The following CADPS2 variants were observed in gnomAD, a reference collection of about 807,000 sequenced individuals.
CADPS2 encodes the protein calcium-dependent secretion activator 2.
In CADPS2, 93 loss-of-function variants were observed where a neutral mutation model predicts 172.5. The ratio of observed to expected loss-of-function variants is 0.54; its 90% CI spans 0.46 to 0.64. The LOEUF (loss-of-function observed/expected upper bound fraction) is 0.64, where lower values mean the gene tolerates loss of function less well. Ranked by LOEUF, CADPS2 falls within the 30% of genes least tolerant of loss-of-function variation. CADPS2 has a pLI of 0.00. For synonymous variants in CADPS2, 546 were observed against 555.2 expected (o/e 0.98, Z 0.23); for missense variants, 1,420 against 1,565.9 (o/e 0.91, Z 1.57).
intron 2 of CADPS2, among the ~76,000 whole-genome samples, chr7:122,708,317 T>C (rs1454901201): frequency 1.3e-5 from 2 of 151,554 alleles, no homozygotes; most frequent in Non-Finnish European, 2.9e-5. Flanking sequence ...TAATATTCCT[T>C]ATGCAAAATT....
intron 11 of CADPS2, among the ~76,000 whole-genome samples, chr7:122,486,204 C>T (rs1469250690): frequency 3.3e-5 from 5 of 152,198 alleles, no homozygotes; most frequent in African/African-American, 1.2e-4. Flanking sequence ...TTAAGAAATA[C>T]ATTTTATAAG....
chr7:122,328,326 C>G (rs2034302922), intron 28 of CADPS2: 1 of 152,178 alleles, frequency 6.6e-6, no homozygotes, highest in Non-Finnish European at 1.5e-5. Context: ...TCTCCATTCC[C>G]CAATCCCCTC....
chr7:122,675,847 G>A (rs942905936), intron 2 of CADPS2, among the ~76,000 whole-genome samples: 7 of 151,936 alleles, frequency 4.6e-5, no homozygotes, highest in Admixed American at 2.6e-4. Context: ...GGAGGGGAGA[G>A]GATTAGGACA....
chr7:122,761,989 T>C, intron 1 of CADPS2, among the ~76,000 whole-genome samples: 1 of 111,938 alleles, frequency 8.9e-6, no homozygotes, highest in African/African-American at 3.7e-5. Flanking sequence ...AAAGTGAGAC[T>C]CTGCCTCAAA....
chr7:122,638,585 G>T (rs1860855), intron 3 of CADPS2, among the ~76,000 whole-genome samples: 111,862 of 152,088 alleles, frequency 0.74, 41,631 homozygotes, highest in Middle Eastern at 0.91. Context: ...CCAGGGCCTG[G>T]GGGGGTCCCC....
At chr7:122,568,633 C>A (rs143852130) in intron 7 of CADPS2, among the ~76,000 whole-genome samples, 1 of 152,084 alleles carries the variant, frequency 6.6e-6, no homozygotes, top group East Asian at 1.9e-4. Context: ...TGTGCTAGAA[C>A]AACATGTTCA....
chr7:122,668,942 T>A (rs78291189), intron 2 of CADPS2, among the ~76,000 whole-genome samples: 26,655 of 152,150 alleles, frequency 0.18, 3,138 homozygotes, highest in Non-Finnish European at 0.26. Context: ...CATTCCTCCA[T>A]CAAAACAGAA....
At chr7:122,664,426 A>G (rs578114995) in intron 2 of CADPS2, among the ~76,000 whole-genome samples, 2 of 151,326 alleles carry the variant, frequency 1.3e-5, no homozygotes, top group Admixed American at 1.3e-4. Flanking sequence ...ATAAAATAAA[A>G]TAAAAACAAC....
chr7:122,416,149 G>A lies in CADPS2; in HGVS notation c.2492C>T (p.Ala831Val). ...CTCTTCCAGCTTTCTAGCAGGAGAT[G>A]CCTGGTTCATGGTCTCTATATGAAA... ...YAKIEETMNQ[A>V]SPARKLEEIL... Residue 831 changes from alanine (A) to valine (V), a missense_variant, in exon 18 of 30, where the codon GCA (alanine) becomes GTA (valine). By Grantham distance (64) the Ala-to-Val change is moderately conservative. Coordinates refer to ENST00000449022, the MANE Select transcript of CADPS2 (RefSeq NM_017954.11). 1 of 1,546,148 alleles carries A rather than the reference G, an allele frequency of 6.5e-7. No homozygotes were observed. The highest frequency in any genetic ancestry group is 8.8e-7 in the Non-Finnish European group (1 of 1,140,568).
At chr7:122,850,008 G>C in intron 1 of CADPS2, 1 of 863,524 alleles carries the variant, frequency 1.2e-6, no homozygotes, top group Non-Finnish European at 1.7e-6. Flanking sequence ...GCCTAGGCTG[G>C]GGAAGGAACA....
intron 15 of CADPS2, among the ~76,000 whole-genome samples, chr7:122,448,371 C>T (rs1387180647): frequency 4.6e-5 from 7 of 152,116 alleles, no homozygotes; most frequent in Non-Finnish European, 1.0e-4. Context: ...CCACCCGGTC[C>T]CACCCTTGAC....
intron 20 of CADPS2, among the ~76,000 whole-genome samples, chr7:122,395,706 T>G (rs536624534): frequency 3.9e-5 from 6 of 152,296 alleles, no homozygotes; most frequent in African/African-American, 1.4e-4. Context: ...TTCTTCCTCC[T>G]CCTCATCCCT....
chr7:122,329,001 C>CA lies in CADPS2; in HGVS notation c.3613-3421dup, dbSNP rs529234524. Among the ~76,000 whole-genome samples, 33 of 152,212 alleles carry CA rather than the reference C, an allele frequency of 2.2e-4. 1 individual carries two copies. In the South Asian group the frequency reaches 6.9e-3, roughly 32 times the overall value. ...TGAAGGGCTCAGAAGGTGGTATTGA[C>CA]AATGAAAGAGTGTTGAAATATTGAG... On this transcript the variant is annotated intron_variant, in intron 28 of 29. Coordinates refer to ENST00000449022, the MANE Select transcript of CADPS2 (RefSeq NM_017954.11).
intron 2 of CADPS2, chr7:122,701,933 A>G: frequency 6.2e-7 from 1 of 1,613,664 alleles, no homozygotes; most frequent in Non-Finnish European, 8.5e-7. Context: ...GCAAGTTAAA[A>G]TGCGTACTAC....
intron 8 of CADPS2, among the ~76,000 whole-genome samples, chr7:122,535,736 A>G (rs1431302028): frequency 6.6e-6 from 1 of 152,010 alleles, no homozygotes; most frequent in Non-Finnish European, 1.5e-5. Flanking sequence ...TTAAAGCCTA[A>G]TGGCAAGAGT....
At chr7:122,527,753 A>G (rs1449677043) in intron 8 of CADPS2, among the ~76,000 whole-genome samples, 1 of 151,942 alleles carries the variant, frequency 6.6e-6, no homozygotes, top group African/African-American at 2.4e-5. Context: ...AGGCTGTTCC[A>G]TGAGAAGATC....
chr7:122,395,934 C>T (rs776384775), intron 20 of CADPS2, among the ~76,000 whole-genome samples: 13 of 151,944 alleles, frequency 8.6e-5, no homozygotes, highest in Admixed American at 4.6e-4. Flanking sequence ...CTCAGCCTCC[C>T]GAGTAGCTGG....
chr7:122,678,845 G>A lies in CADPS2; in HGVS notation c.454-15276C>T, dbSNP rs371501905. On this transcript the variant is annotated intron_variant, in intron 2 of 29. Transcript: ENST00000449022. Reference sequence around the variant, plus strand: ...AATGTTGCAGGAAGTCAGGGACCTCGAATGGAGGGACCAGCTGAAACCATG... The same window carrying A: ...AATGTTGCAGGAAGTCAGGGACCTCAAATGGAGGGACCAGCTGAAACCATG... 1.2e-4 allele frequency among the ~76,000 whole-genome samples: 16 copies of A among 129,644 alleles called. No individual in the cohort carries two copies. In the South Asian group the frequency reaches 2.6e-3, roughly 21 times the overall value. 85.1% of individuals were successfully genotyped at this position (129,644 alleles called of 152,430 possible). A position where few individuals can be genotyped will look rare whatever the true frequency, so the allele number is the denominator to read the frequency against.
intron 25 of CADPS2, among the ~76,000 whole-genome samples, chr7:122,364,067 C>T (rs1409801825): frequency 2.0e-5 from 3 of 152,106 alleles, no homozygotes; most frequent in Non-Finnish European, 4.4e-5. Context: ...CATCATGCTA[C>T]AGAACTGTAA....
Sources: allele counts gnomAD v4.1 joint callset (sites outside exome capture counted in the v4.1 genomes callset), GRCh38; gene constraint gnomAD v4.1.1; transcripts MANE v1.5; gene names NCBI Gene and HGNC (gene_info 2026-07-23, HGNC 2026-07-21).